The following PAN3 variants were observed in gnomAD, a reference collection of about 807,000 sequenced individuals.
PAN3 encodes poly(A) specific ribonuclease subunit PAN3, also known as PAN2-PAN3 deadenylation complex subunit PAN3.
A neutral mutation model predicts 96.2 loss-of-function variants in PAN3; 19 were observed. The ratio of observed to expected loss-of-function variants is 0.20; its 90% CI spans 0.14 to 0.29. The LOEUF (loss-of-function observed/expected upper bound fraction) is 0.29. Ranked by LOEUF, PAN3 falls within the 10% of genes least tolerant of loss-of-function variation. The pLI is 1.00. For missense variants in PAN3, 882 were observed against 1,108.1 expected (o/e 0.80, Z 2.90); for synonymous variants, 433 against 406.6 (o/e 1.06, Z -0.78).
In PAN3 at chr13:28,147,092, C is replaced by T. The variant is rs538522242; in HGVS notation, c.430+8005C>T. Among the ~76,000 whole-genome samples the T allele has an allele frequency of 5.9e-5, 9 of 152,304 alleles. No homozygotes were observed. In the East Asian group the frequency reaches 1.7e-3, roughly 29 times the overall value. On this transcript the variant is annotated intron_variant, in intron 1 of 18. Coordinates refer to ENST00000380958, the MANE Select transcript of PAN3 (RefSeq NM_175854.8). ...TTTGTTATCGACCAAAACATTGTTA[C>T]CAACAAATCAATATATGTTTGTGTC...
intron 1 of PAN3, among the ~76,000 whole-genome samples, chr13:28,165,613 T>C (rs1873440353): frequency 6.6e-6 from 1 of 152,216 alleles, no homozygotes; most frequent in African/African-American, 2.4e-5. Context: ...ATATCTATAA[T>C]GATTGTTCAA....
intron 17 of PAN3, among the ~76,000 whole-genome samples, chr13:28,281,979 C>A (rs1436835485): frequency 6.6e-6 from 1 of 152,112 alleles, no homozygotes; most frequent in Non-Finnish European, 1.5e-5. Flanking sequence ...CCATGTTGGC[C>A]AGGGTGGTCT....
intron 6 of PAN3, among the ~76,000 whole-genome samples, chr13:28,230,339 T>A (rs1345585167): frequency 6.6e-6 from 1 of 152,018 alleles, no homozygotes; most frequent in Non-Finnish European, 1.5e-5. Context: ...TTTTAGTTTT[T>A]CAAAATACTT....
intron 1 of PAN3, among the ~76,000 whole-genome samples, chr13:28,157,597 A>G (rs1410836250): frequency 1.3e-5 from 2 of 152,208 alleles, no homozygotes; most frequent in Non-Finnish European, 2.9e-5. Flanking sequence ...CAAGAATGCA[A>G]TCCTATTCAC....
intron 4 of PAN3, among the ~76,000 whole-genome samples, chr13:28,190,976 A>C (rs1051321068): frequency 6.6e-6 from 1 of 152,202 alleles, no homozygotes; most frequent in African/African-American, 2.4e-5. Context: ...TTTATTTCAT[A>C]ATAACCAGCA....
intron 5 of PAN3, among the ~76,000 whole-genome samples, chr13:28,211,226 A>G (rs1277507305): frequency 6.6e-6 from 1 of 151,968 alleles, no homozygotes; most frequent in Non-Finnish European, 1.5e-5. Flanking sequence ...ATGTCTTTTT[A>G]GATCACTTTA....
At chr13:28,170,532 TTAA>T (rs1874166792) in intron 1 of PAN3, among the ~76,000 whole-genome samples, 1 of 152,118 alleles carries the variant, frequency 6.6e-6, no homozygotes, top group African/African-American at 2.4e-5. Flanking sequence ...GGATTTGAAA[TTAA>T]TAAACATAAT....
intron 6 of PAN3, among the ~76,000 whole-genome samples, chr13:28,251,527 C>T (rs1055738979): frequency 3.3e-5 from 5 of 152,188 alleles, no homozygotes; most frequent in Non-Finnish European, 7.3e-5. Flanking sequence ...CTCTCTTATA[C>T]TTATGCATGG....
chr13:28,206,386 C>T (rs922392326), intron 5 of PAN3, among the ~76,000 whole-genome samples: 3 of 137,640 alleles, frequency 2.2e-5, no homozygotes, highest in South Asian at 4.5e-4. Context: ...TGCAGTGGTG[C>T]GATCTCGGCT....
At chr13:28,254,533 A>G (rs1056935000) in intron 6 of PAN3, among the ~76,000 whole-genome samples, 4 of 152,178 alleles carry the variant, frequency 2.6e-5, no homozygotes, top group Non-Finnish European at 5.9e-5. Context: ...AATGCATTTC[A>G]TTTTAGACAA....
rs1294051961 is a variant in PAN3 at position 28,260,491 on chromosome 13, T to C, written c.1293T>C (p.Val431=). 6.2e-7 allele frequency: 1 copy of C among 1,613,820 alleles called. No homozygotes were observed. ...YHIYPPTAPH[V]AYMQPKANAP... ...TTTATCCTCCAACTGCACCTCACGT[T>C]GCTTATATGCAACCGAAAGCAAACG... Residue 431 remains valine, a synonymous_variant, in exon 8 of 19, where the codon GTT becomes GTC. Coordinates refer to ENST00000380958, the MANE Select transcript of PAN3 (RefSeq NM_175854.8).
intron 6 of PAN3, among the ~76,000 whole-genome samples, chr13:28,222,032 C>T (rs1027735380): frequency 3.3e-5 from 5 of 152,130 alleles, no homozygotes; most frequent in Non-Finnish European, 5.9e-5. Context: ...AATTACATGC[C>T]AGTTTATTTT....
intron 4 of PAN3, among the ~76,000 whole-genome samples, chr13:28,189,588 C>T (rs1169978776): frequency 6.6e-6 from 1 of 152,068 alleles, no homozygotes; most frequent in Non-Finnish European, 1.5e-5. Flanking sequence ...CAAGGAGCTA[C>T]AAGGACTTGC....
intron 1 of PAN3, among the ~76,000 whole-genome samples, chr13:28,140,373 G>A (rs138936488): frequency 6.6e-6 from 1 of 152,300 alleles, no homozygotes; most frequent in Non-Finnish European, 1.5e-5. Context: ...CCAAATAGGA[G>A]TCCTACTTTC....
At chr13:28,168,071 C>T (rs1001058280) in intron 1 of PAN3, among the ~76,000 whole-genome samples, 2 of 152,174 alleles carry the variant, frequency 1.3e-5, no homozygotes, top group Non-Finnish European at 2.9e-5. Flanking sequence ...AAAGGTCCCA[C>T]TTCAGTAATA....
At chr13:28,224,759 A>G (rs547912106) in intron 6 of PAN3, among the ~76,000 whole-genome samples, 1 of 152,278 alleles carries the variant, frequency 6.6e-6, no homozygotes, top group South Asian at 2.1e-4. Flanking sequence ...AGTAGCTGGG[A>G]CTACAGATAC....
In PAN3 at chr13:28,141,625, G is replaced by A. The variant is rs547810762; in HGVS notation, c.430+2538G>A. Among the ~76,000 whole-genome samples, 607 of 151,576 alleles carry A rather than the reference G, an allele frequency of 4.0e-3. 7 individuals are homozygous for A. Among genetic ancestry groups the A allele is most frequent in the African/African-American group, 0.014 (582 of 41,338 alleles). On this transcript the variant is annotated intron_variant, in intron 1 of 18. Coordinates refer to ENST00000380958, the MANE Select transcript of PAN3 (RefSeq NM_175854.8). ...TGGGATTACAGGCAGGCACCACCAC[G>A]CTCAGCTAATATTGTAGTTTTAGTA... is the stretch of plus-strand genomic sequence containing the variant.
intron 6 of PAN3, among the ~76,000 whole-genome samples, chr13:28,242,799 G>GTT (rs1165141935): frequency 1.3e-5 from 2 of 152,138 alleles, no homozygotes; most frequent in Non-Finnish European, 2.9e-5. Flanking sequence ...ACATGGATGG[G>GTT]TTCTCCCTCT....
intron 6 of PAN3, among the ~76,000 whole-genome samples, chr13:28,234,246 G>A (rs1399471336): frequency 6.6e-6 from 1 of 152,102 alleles, no homozygotes; most frequent in African/African-American, 2.4e-5. Context: ...TTCCAGGTTG[G>A]AATGCAGTGG....
Sources: gnomAD v4.1 joint callset for allele counts (sites outside exome capture counted in the v4.1 genomes callset) on GRCh38, gnomAD v4.1.1 for gene constraint, MANE v1.5 for transcripts, NCBI Gene and HGNC (gene_info 2026-07-23, HGNC 2026-07-21) for gene names.